USP22: variants seen among roughly 807,000 people sequenced by gnomAD.
USP22 encodes ubiquitin specific peptidase 22.
In USP22, 22 loss-of-function variants were observed where a neutral mutation model predicts 68.1. The observed-to-expected ratio is 0.32, with a 90% CI of 0.23 to 0.46. USP22 has a LOEUF of 0.46. Ranked by LOEUF, USP22 falls within the 20% of genes least tolerant of loss-of-function variation. USP22 has a pLI of 1.00. For missense variants in USP22, 433 were observed against 695.8 expected (o/e 0.62, Z 4.25); for synonymous variants, 279 against 274.2 (o/e 1.02, Z -0.17).
intron 2 of USP22, 27 bp downstream of exon 2, chr17:21,028,515 T>A: frequency 6.2e-7 from 1 of 1,610,696 alleles, no homozygotes; most frequent in Non-Finnish European, 8.5e-7. Context: ...GCCACAACTA[T>A]CCCCCCATCC....
intron 4 of USP22, 28 bp from the exon 5 acceptor site, chr17:21,018,139 G>C: frequency 6.5e-7 from 1 of 1,541,878 alleles, no homozygotes. Flanking sequence ...GAGAGCAGGA[G>C]TTACCTGTGT....
chr17:21,004,517 G>A (rs538258881), intron 11 of USP22, among the ~76,000 whole-genome samples, 166 bp from the exon 12 acceptor site: 1 of 152,306 alleles, frequency 6.6e-6, no homozygotes, highest in Non-Finnish European at 1.5e-5. Context: ...AACTAAGGGA[G>A]CCTGGTCACC....
chr17:21,040,337 G>A (rs1808291498), intron 1 of USP22, among the ~76,000 whole-genome samples: 1 of 152,234 alleles, frequency 6.6e-6, no homozygotes, highest in African/African-American at 2.4e-5. Context: ...GAGAGTGCTA[G>A]AAATGCAGGA....
chr17:21,016,431 C>G (rs1002719603), intron 5 of USP22, among the ~76,000 whole-genome samples: 1 of 152,356 alleles, frequency 6.6e-6, no homozygotes, highest in South Asian at 2.1e-4. Flanking sequence ...CGGCTTCCTC[C>G]CCAGGTCAGA....
intron 4 of USP22, 126 bp from the exon 5 acceptor site, chr17:21,018,237 CGATGA>C: frequency 3.0e-6 from 2 of 658,538 alleles, no homozygotes; most frequent in Non-Finnish European, 4.7e-6. Context: ...AGCCAGAACA[CGATGA>C]GATATCGCAT....
chr17:21,031,392 C>CA (rs1972289309), intron 1 of USP22, among the ~76,000 whole-genome samples: 1 of 152,226 alleles, frequency 6.6e-6, no homozygotes, highest in Non-Finnish European at 1.5e-5. Context: ...TAACACTGAA[C>CA]AAAACAACTA....
chr17:21,035,582 T>C (rs1474621007), intron 1 of USP22, among the ~76,000 whole-genome samples: 1 of 150,564 alleles, frequency 6.6e-6, no homozygotes, highest in Non-Finnish European at 1.5e-5. Flanking sequence ...AAATCCAGAC[T>C]ATAGGGAAGT....
chr17:21,027,292 C>CAAAAAAAAAAAAAAAAAAAAAA lies in USP22; in HGVS notation c.304+1249_304+1250insTTTTTTTTTTTTTTTTTTTTTT, dbSNP rs71357459. On this transcript the variant is annotated intron_variant, in intron 2 of 12. Coordinates refer to ENST00000261497, the MANE Select transcript of USP22 (RefSeq NM_015276.2). ...TCCAGACAAAGCGAGACCCTGTCTC[C>CAAAAAAAAAAAAAAAAAAAAAA]AAAAAAAAAAAAAAAAAATCAGACA... Among the ~76,000 whole-genome samples the CAAAAAAAAAAAAAAAAAAAAAA allele has an allele frequency of 3.5e-3, 250 of 72,218 alleles. 19 individuals are homozygous for CAAAAAAAAAAAAAAAAAAAAAA. Among genetic ancestry groups the CAAAAAAAAAAAAAAAAAAAAAA allele is most frequent in the Middle Eastern group, 0.011 (1 of 94 alleles). The allele number at this position is 72,218 out of a possible 152,430, so 47.4% of individuals were successfully genotyped here. A position where few individuals can be genotyped will look rare whatever the true frequency, so the allele number is the denominator to read the frequency against.
intron 6 of USP22, among the ~76,000 whole-genome samples, chr17:21,013,594 G>A (rs1035869834): frequency 4.6e-5 from 7 of 152,212 alleles, no homozygotes; most frequent in Non-Finnish European, 8.8e-5. Context: ...GACAGGGCAC[G>A]AGGACACCTG....
rs1913626718 is a variant in USP22, at chr17:21,002,656, T to TA, written c.*374dup. 1 of 291,038 alleles carries TA rather than the reference T, an allele frequency of 3.4e-6. No homozygotes were observed. The highest frequency in any genetic ancestry group is 6.8e-6 in the Non-Finnish European group (1 of 147,372). The allele number at this position is 291,038 out of a possible 1,614,324, so 18.0% of individuals were successfully genotyped here. A position where few individuals can be genotyped will look rare whatever the true frequency, so the allele number is the denominator to read the frequency against. On this transcript the variant is annotated 3_prime_UTR_variant, in exon 13 of 13. Transcript: ENST00000261497. ...TACTGCTTTCATGGACCCATAATCT[T>TA]ACAGCAGGTAGGGGCCTTTCCACAC...
intron 1 of USP22, among the ~76,000 whole-genome samples, chr17:21,039,265 G>A (rs555017300): frequency 2.0e-5 from 3 of 151,030 alleles, no homozygotes; most frequent in South Asian, 4.3e-4. Context: ...TATTTTTATA[G>A]TCTGCAATAC....
rs1913521881 is a variant in USP22, at chr17:21,000,385, C to T, written c.*2646G>A. On this transcript the variant is annotated 3_prime_UTR_variant, in exon 13 of 13. Coordinates refer to ENST00000261497, the MANE Select transcript of USP22 (RefSeq NM_015276.2). ...CCGCCGCCTCCTGTGAGCAGCTCTT[C>T]AGCAGCAGGCATCAGGTAACTGCTT... 1 of 152,330 alleles carries T rather than the reference C, an allele frequency of 6.6e-6. No individual in the cohort carries two copies. Among genetic ancestry groups the T allele is most frequent in the Admixed American group, 6.5e-5 (1 of 15,288 alleles). 9.4% of individuals were successfully genotyped at this position (152,330 alleles called of 1,614,324 possible).
chr17:21,002,433 T>G lies in USP22; in HGVS notation c.*598A>C, dbSNP rs1256986350. On this transcript the variant is annotated 3_prime_UTR_variant, in exon 13 of 13. Coordinates refer to ENST00000261497, the MANE Select transcript of USP22 (RefSeq NM_015276.2). ...CCGCGAGATGCTTCCACGTGCAGCT[T>G]GATGCTGTTACCTGCAGAACAGACA... 1 of 152,512 alleles carries G rather than the reference T, an allele frequency of 6.6e-6. No individual in the cohort carries two copies. The highest frequency in any genetic ancestry group is 1.5e-5 in the Non-Finnish European group (1 of 68,296). 9.4% of individuals were successfully genotyped at this position (152,512 alleles called of 1,614,324 possible). A position where few individuals can be genotyped will look rare whatever the true frequency, so the allele number is the denominator to read the frequency against.
intron 1 of USP22, among the ~76,000 whole-genome samples, chr17:21,035,228 C>A (rs1305207979): frequency 6.6e-6 from 1 of 152,194 alleles, no homozygotes; most frequent in Non-Finnish European, 1.5e-5. Context: ...TCACTTAATT[C>A]TCTGAGTTTC....
At chr17:21,018,408 C>T in intron 4 of USP22, 1 of 236,390 alleles carries the variant, frequency 4.2e-6, no homozygotes, top group Non-Finnish European at 8.0e-6. Flanking sequence ...AATGAACAAA[C>T]AAAACAGGTT....
In USP22 at chr17:21,028,612, G is replaced by A; in HGVS notation, c.234C>T (p.Tyr78=). The change falls in exon 2 of 13, where the codon TAC becomes TAT. Residue 78 remains tyrosine, a synonymous_variant. Coordinates refer to ENST00000261497, the MANE Select transcript of USP22 (RefSeq NM_015276.2). ...VHLNRLHSCL[Y]CVFFGCFTKK... is the part of the protein sequence containing the mutation. The stretch of plus-strand genomic sequence containing the variant: ...TTGTGAAACAGCCGAAGAAGACACA[G>A]TAGAGGCAGGAATGCAGCCTGTTGA... 1 of 1,614,108 alleles carries A rather than the reference G, an allele frequency of 6.2e-7. No homozygotes were observed. The highest frequency in any genetic ancestry group is 8.5e-7 in the Non-Finnish European group (1 of 1,180,024).
intron 2 of USP22, 101 bp from the exon 3 acceptor site, chr17:21,021,327 C>A: frequency 1.3e-6 from 1 of 743,934 alleles, no homozygotes; most frequent in Non-Finnish European, 2.4e-6. Context: ...TAGATACTGA[C>A]TGTTCACAGC....
intron 11 of USP22, 140 bp downstream of exon 11, chr17:21,004,788 C>A: frequency 2.3e-5 from 2 of 87,266 alleles, no homozygotes; most frequent in South Asian, 4.8e-4. Context: ...TGCGGGCAGC[C>A]AATAGTGGAG....
intron 3 of USP22, 68 bp downstream of exon 3, chr17:21,021,045 C>A: frequency 7.7e-7 from 1 of 1,298,922 alleles, no homozygotes; most frequent in Non-Finnish European, 1.1e-6. Context: ...CTTTCTCCTA[C>A]TGGGTCTGCC....
Sources: allele counts gnomAD v4.1 joint callset (sites outside exome capture counted in the v4.1 genomes callset), GRCh38; gene constraint gnomAD v4.1.1; transcripts MANE v1.5; gene names NCBI Gene and HGNC (gene_info 2026-07-23, HGNC 2026-07-21).